DST: variants seen among roughly 807,000 people sequenced by gnomAD.
DST encodes the protein bullous pemphigoid antigen.
In DST, 253 loss-of-function variants were observed where a neutral mutation model predicts 875.2. The ratio of observed to expected loss-of-function variants is 0.29; its 90% confidence interval spans 0.26 to 0.32. The LOEUF (loss-of-function observed/expected upper bound fraction) is 0.32, where lower values mean the gene tolerates loss of function less well. Among genes scored for constraint, DST ranks in the 10% least tolerant of loss-of-function variants. The pLI is 1.00. For missense variants in DST, 8,287 were observed against 9,111.6 expected (o/e 0.91, Z 3.68); for synonymous variants, 3,124 against 3,197.1 (o/e 0.98, Z 0.77).
At position 56,608,138 on chromosome 6, in the gene DST, A is replaced by G. The variant is rs770818869; in HGVS notation, c.6490T>C (p.Ser2164Pro). Reference sequence around the variant, plus strand: ...GTGGAGGGTTGAAATTTACAAAAAGAGAGCCATCTTCTGGCATTTTTACAA... The same window carrying G: ...GTGGAGGGTTGAAATTTACAAAAAGGGAGCCATCTTCTGGCATTTTTACAA... ...EACKNARRWL[S>P]FCKFQPSTVH... is the part of the protein sequence containing the mutation. Residue 2164 changes from serine (S) to proline (P), a missense_variant, in exon 40 of 104, where the codon TCT becomes CCT. Physicochemically the swap from Ser to Pro is moderately conservative, Grantham distance 74. This residue lies in a region of DST where 3,138 missense variants were observed against 3,116.6 expected (regional missense o/e 1.01). Coordinates refer to ENST00000680361, the MANE Select transcript of DST (RefSeq NM_001374736.1). 1.2e-6 allele frequency: 2 copies of G among 1,613,760 alleles called. No homozygotes were observed. The highest frequency in any genetic ancestry group is 8.5e-7 in the Non-Finnish European group (1 of 1,179,758).
intron 4 of DST, among the ~76,000 whole-genome samples, chr6:56,757,291 C>G (rs1310635050): frequency 6.6e-6 from 1 of 152,178 alleles, no homozygotes; most frequent in Non-Finnish European, 1.5e-5. Flanking sequence ...GATGTCCCTA[C>G]AAACCCAAGT....
chr6:56,680,291 A>T (rs916852095), intron 9 of DST, among the ~76,000 whole-genome samples: 1 of 152,224 alleles, frequency 6.6e-6, no homozygotes, highest in Non-Finnish European at 1.5e-5. Context: ...TATTTTTCCA[A>T]TAAAGAAGAA....
intron 9 of DST, among the ~76,000 whole-genome samples, chr6:56,680,634 T>A (rs924180644): frequency 2.6e-5 from 4 of 152,348 alleles, no homozygotes; most frequent in Admixed American, 2.6e-4. Context: ...CTCCGGCCTC[T>A]CTAGCCATTC....
chr6:56,494,321 C>G (rs1451481192), intron 82 of DST, 141 bp from the exon 83 acceptor site: 2 of 630,058 alleles, frequency 3.2e-6, no homozygotes, highest in East Asian at 5.7e-5. Flanking sequence ...CGCATTTATA[C>G]TTTTCACTAC....
intron 4 of DST, among the ~76,000 whole-genome samples, chr6:56,803,476 T>A (rs948536996): frequency 6.6e-6 from 1 of 152,200 alleles, no homozygotes; most frequent in Non-Finnish European, 1.5e-5. Flanking sequence ...AATGGGACCA[T>A]GTGAGTACAA....
At chr6:56,798,170 G>A (rs1453495779) in intron 4 of DST, among the ~76,000 whole-genome samples, 2 of 152,218 alleles carry the variant, frequency 1.3e-5, no homozygotes. Context: ...GTTTATCAAT[G>A]TGGACAAAAC....
chr6:56,554,073 CT>C (rs555704557), intron 60 of DST, among the ~76,000 whole-genome samples: 590 of 80,756 alleles, frequency 7.3e-3, no homozygotes, highest in African/African-American at 0.022. Context: ...GCGTCTATGA[CT>C]TTTTTTTTTT....
At chr6:56,875,662 C>T (rs1296778711) in intron 3 of DST, among the ~76,000 whole-genome samples, 1 of 152,138 alleles carries the variant, frequency 6.6e-6, no homozygotes, top group Non-Finnish European at 1.5e-5. Context: ...AATGGACACA[C>T]CATCAGGCCA....
At position 56,555,846 on chromosome 6, in the gene DST, G is replaced by A. The variant is rs779487680; in HGVS notation, c.14641-6C>T. On this transcript the variant is annotated splice_region_variant and splice_polypyrimidine_tract_variant and intron_variant, in intron 59 of 103. Coordinates refer to ENST00000680361, the MANE Select transcript of DST (RefSeq NM_001374736.1). ...GCGAATTCTTGCAGCAAAATCTAAGGTAACAAGGGTAAACAAACGCAAATT... is the reference window on the plus strand; with the variant it reads ...GCGAATTCTTGCAGCAAAATCTAAGATAACAAGGGTAAACAAACGCAAATT... 1 of 1,486,024 alleles carries A rather than the reference G, an allele frequency of 6.7e-7. No homozygotes were observed. The highest frequency in any genetic ancestry group is 9.0e-7 in the Non-Finnish European group (1 of 1,116,614). The allele number at this position is 1,486,024 out of a possible 1,614,324, so 92.1% of individuals were successfully genotyped here.
chr6:56,793,237 A>C (rs1440559641), intron 4 of DST, among the ~76,000 whole-genome samples: 4 of 152,208 alleles, frequency 2.6e-5, no homozygotes, highest in South Asian at 2.1e-4. Flanking sequence ...GGTATCATAG[A>C]ATTGTTTCTT....
chr6:56,667,175 G>A (rs375105040), intron 10 of DST, among the ~76,000 whole-genome samples: 1 of 152,118 alleles, frequency 6.6e-6, no homozygotes. Flanking sequence ...TTCCCAAAGT[G>A]CTGGGATTAT....
At chr6:56,513,232 C>CT (rs5876513) in intron 72 of DST, among the ~76,000 whole-genome samples, 99,111 of 142,046 alleles carry the variant, frequency 0.7, 34,457 homozygotes, top group East Asian at 0.8. Flanking sequence ...TGAGAGGAGC[C>CT]TTTTTTTTTT....
At chr6:56,645,762 T>A (rs980592099) in intron 15 of DST, 104 bp downstream of exon 15, 3 of 1,369,184 alleles carry the variant, frequency 2.2e-6, no homozygotes, top group Admixed American at 2.3e-5. Flanking sequence ...ATTAAGAGAC[T>A]TATCCAAGGC....
chr6:56,926,388 C>T (rs983387861), intron 2 of DST, among the ~76,000 whole-genome samples: 1 of 152,126 alleles, frequency 6.6e-6, no homozygotes, highest in Admixed American at 6.5e-5. Context: ...AGGAGACAGA[C>T]TTATAAGTAA....
chr6:56,481,333 T>A (rs1286778911), intron 90 of DST, among the ~76,000 whole-genome samples: 7 of 152,206 alleles, frequency 4.6e-5, no homozygotes, highest in Admixed American at 3.9e-4. Context: ...ATTCTTGACT[T>A]TTTGAGTCAA....
At chr6:56,693,178 G>A (rs1026759216) in intron 9 of DST, 18 of 1,246,804 alleles carry the variant, frequency 1.4e-5, no homozygotes, top group Non-Finnish European at 1.9e-5. Flanking sequence ...CAGCTCCATA[G>A]ATTCACTCAT....
chr6:56,897,506 CT>C (rs913875970), intron 3 of DST, among the ~76,000 whole-genome samples: 12 of 151,960 alleles, frequency 7.9e-5, no homozygotes, highest in African/African-American at 2.2e-4. Flanking sequence ...AATTTTTGTA[CT>C]TTTAGTAGAG....
At position 56,602,875 on chromosome 6, in the gene DST, T is replaced by TA. The variant is rs2098458692; in HGVS notation, c.11307+6dup. 6.6e-7 allele frequency: 1 copy of TA among 1,505,114 alleles called. No individual in the cohort carries two copies. The allele number at this position is 1,505,114 out of a possible 1,614,324, so 93.2% of individuals were successfully genotyped here. ...ATATATTTTGTCATCTTTGTTTTGATACTTGCCTTGAGAAACTCCAAACGT... is the reference window on the plus strand; with the variant it reads ...ATATATTTTGTCATCTTTGTTTTGATAACTTGCCTTGAGAAACTCCAAACGT... On this transcript the variant is annotated splice_region_variant and intron_variant, in intron 43 of 103. Transcript: ENST00000680361.
At position 56,954,422 on chromosome 6, in the gene DST, G is replaced by T. The variant is rs767143617; in HGVS notation, c.166C>A (p.Arg56Ser). ...RHPMKSVFSG[R>S]SRSRDAVLRS... ...CGTGTCTTACCTCGGCTTCTTGAAC[G>T]ACCCGAGAAGACCGATTTCATCGGA... Residue 56 changes from arginine to serine, a missense_variant, in exon 1 of 104, where the codon CGT (arginine) becomes AGT (serine). By Grantham distance (110) the Arg-to-Ser change is moderately radical. Around this residue, in one of 10 missense-constraint regions of DST, gnomAD observed 1,160 missense variants for 1,424.3 expected, o/e 0.81. Transcript: ENST00000680361. 4.4e-6 allele frequency: 6 copies of T among 1,367,098 alleles called. No homozygotes were observed. In the African/African-American group the frequency reaches 7.4e-5, roughly 17 times the overall value. 84.7% of individuals were successfully genotyped at this position (1,367,098 alleles called of 1,614,324 possible).
Sources: allele counts gnomAD v4.1 joint callset (sites outside exome capture counted in the v4.1 genomes callset), GRCh38; gene constraint gnomAD v4.1.1; regional missense constraint gnomAD v4.1.1; transcripts MANE v1.5; gene names NCBI Gene and HGNC (gene_info 2026-07-23, HGNC 2026-07-21).